The following ATG3 variants were observed in gnomAD, a reference collection of about 807,000 sequenced individuals.
ATG3 encodes autophagy related 3, also known as ubiquitin-like-conjugating enzyme ATG3.
Under a neutral mutation model 50.7 loss-of-function variants are expected in ATG3, and 25 were observed. The observed-to-expected ratio is 0.49, with a 90% CI of 0.36 to 0.69. The LOEUF is 0.69. Among genes scored for constraint, ATG3 ranks in the 30% least tolerant of loss-of-function variants. ATG3 has a pLI of 0.00. For synonymous variants in ATG3, 119 were observed against 125.5 expected (o/e 0.95, Z 0.34); for missense variants, 281 against 376.0 (o/e 0.75, Z 2.09).
intron 2 of ATG3, among the ~76,000 whole-genome samples, chr3:112,557,865 A>C (rs1261688104): frequency 6.6e-6 from 1 of 152,192 alleles, no homozygotes; most frequent in Non-Finnish European, 1.5e-5. Flanking sequence ...ATTAAGAACA[A>C]CCTAAGTCTG....
intron 2 of ATG3, 146 bp downstream of exon 2, chr3:112,558,230 T>C (rs1933740857): frequency 1.7e-6 from 1 of 599,680 alleles, no homozygotes; most frequent in East Asian, 2.8e-5. Context: ...CTATGGGAAG[T>C]AGAAATTCCC....
intron 7 of ATG3, among the ~76,000 whole-genome samples, chr3:112,539,279 T>C (rs754936913): frequency 2.6e-5 from 4 of 152,170 alleles, no homozygotes; most frequent in African/African-American, 7.2e-5. Context: ...CTCTGAGTAA[T>C]GTCAAGACCT....
intron 5 of ATG3, among the ~76,000 whole-genome samples, chr3:112,547,528 T>C (rs1032091486): frequency 1.3e-5 from 2 of 152,216 alleles, no homozygotes; most frequent in Non-Finnish European, 2.9e-5. Context: ...TCATCAAAAC[T>C]AAGTAATAAA....
chr3:112,538,700 A>G (rs1029571328), intron 7 of ATG3, among the ~76,000 whole-genome samples: 4 of 152,214 alleles, frequency 2.6e-5, no homozygotes, highest in African/African-American at 9.6e-5. Context: ...CGCTGCAGTA[A>G]CCAAGGGCTC....
At chr3:112,533,631 T>G (rs1271366358) in intron 11 of ATG3, 1 of 985,188 alleles carries the variant, frequency 1.0e-6, no homozygotes, top group African/African-American at 1.7e-5. Flanking sequence ...ATTCAAGCTA[T>G]CTGGCATGTA....
chr3:112,550,378 G>T, intron 3 of ATG3, 116 bp from the exon 4 acceptor site: 2 of 862,508 alleles, frequency 2.3e-6, no homozygotes, highest in Non-Finnish European at 3.5e-6. Flanking sequence ...TCAGAAAATT[G>T]GTTTAAAATT....
At chr3:112,538,025 T>C (rs933352485) in intron 8 of ATG3, 121 bp downstream of exon 8, 2 of 1,198,496 alleles carry the variant, frequency 1.7e-6, no homozygotes, top group Admixed American at 5.4e-5. Context: ...CTACGTTTTA[T>C]ATGCTATAAT....
chr3:112,561,923 T>C lies in ATG3; in HGVS notation c.-395A>G, dbSNP rs926303311. On this transcript the variant is annotated 5_prime_UTR_variant, in exon 1 of 12. Transcript: ENST00000283290. The stretch of plus-strand genomic sequence containing the variant: ...CCGGCTTCCCTTCCTTCTCACTCTC[T>C]TGCCGTAGCTGCGCCGCCACCGGGG... 3 of 225,268 alleles carry C rather than the reference T, an allele frequency of 1.3e-5. No homozygotes were observed. The highest frequency in any genetic ancestry group is 2.7e-5 in the Non-Finnish European group (3 of 113,138). The allele number at this position is 225,268 out of a possible 1,614,324, so 14.0% of individuals were successfully genotyped here.
Position 112,561,676 on chromosome 3 carries a change from G to A in ATG3, c.-148C>T, listed in dbSNP as rs1933892864. ...CGAGGGGACGGGACGCGACGCGACGGGACGGGCGGGACGAGGGGGCGGGGC... is the reference window on the plus strand; with the variant it reads ...CGAGGGGACGGGACGCGACGCGACGAGACGGGCGGGACGAGGGGGCGGGGC... On this transcript the variant is annotated 5_prime_UTR_variant, in exon 1 of 12. Transcript: ENST00000283290. The A allele has an allele frequency of 2.6e-6, 2 of 762,720 alleles. No individual in the cohort carries two copies. The highest frequency in any genetic ancestry group is 3.0e-5 in the Admixed American group (1 of 33,850). The allele number at this position is 762,720 out of a possible 1,614,324, so 47.2% of individuals were successfully genotyped here.
chr3:112,556,420 C>T (rs1367606761), intron 2 of ATG3, among the ~76,000 whole-genome samples: 3 of 144,014 alleles, frequency 2.1e-5, no homozygotes, highest in Admixed American at 2.1e-4. Context: ...CAGCCCCCCG[C>T]CCGGCCAGCC....
At position 112,548,657 on chromosome 3, in the gene ATG3, A is replaced by T. The variant is rs1933439063; in HGVS notation, c.236-17T>A. On this transcript the variant is annotated splice_polypyrimidine_tract_variant and intron_variant, in intron 4 of 11. Transcript: ENST00000283290. Reference sequence around the variant, plus strand: ...AGCACGGCACTATAAAAAAAATGGTAAATACAGTTAACTAGCACGTAATCT... The same window carrying T: ...AGCACGGCACTATAAAAAAAATGGTTAATACAGTTAACTAGCACGTAATCT... 2 of 1,598,068 alleles carry T rather than the reference A, an allele frequency of 1.3e-6. No individual in the cohort carries two copies. The highest frequency in any genetic ancestry group is 2.7e-5 in the African/African-American group (2 of 74,640).
rs982894037 is a variant in ATG3, at chr3:112,532,559, A to G, written c.*140T>C. The G allele has an allele frequency of 1.1e-5, 6 of 525,268 alleles. No homozygotes were observed. The highest frequency in any genetic ancestry group is 8.7e-5 in the Admixed American group (2 of 23,048). The allele number at this position is 525,268 out of a possible 1,614,324, so 32.5% of individuals were successfully genotyped here. On this transcript the variant is annotated 3_prime_UTR_variant, in exon 12 of 12. Coordinates refer to ENST00000283290, the MANE Select transcript of ATG3 (RefSeq NM_022488.5). The stretch of plus-strand genomic sequence containing the variant: ...ACAAGTAAGGCTGGTAGTGGAACAT[A>G]TTTTTATTTAATGCATAAACATATA...
intron 10 of ATG3, 115 bp from the exon 11 acceptor site, chr3:112,534,452 AAT>A (rs760555466): frequency 7.7e-6 from 5 of 653,202 alleles, no homozygotes; most frequent in African/African-American, 1.9e-5. Flanking sequence ...ATTAATTTTT[AAT>A]AGTTATATTA....
chr3:112,549,418 G>C (rs1933465440), intron 4 of ATG3, among the ~76,000 whole-genome samples: 1 of 152,120 alleles, frequency 6.6e-6, no homozygotes, highest in Admixed American at 6.5e-5. Flanking sequence ...CCTATAATGA[G>C]TAAATTGGAA....
chr3:112,547,544 G>T (rs1933401711), intron 5 of ATG3, among the ~76,000 whole-genome samples: 1 of 152,210 alleles, frequency 6.6e-6, no homozygotes. Context: ...ATAAATGGTA[G>T]TTAGCTTCAG....
At chr3:112,560,342 G>C (rs759835212) in intron 1 of ATG3, among the ~76,000 whole-genome samples, 20 of 152,178 alleles carry the variant, frequency 1.3e-4, no homozygotes, top group Admixed American at 2.6e-4. Context: ...GTAAACAAAT[G>C]TAAGCAAAGC....
At chr3:112,559,377 T>C (rs966110515) in intron 1 of ATG3, among the ~76,000 whole-genome samples, 1 of 152,248 alleles carries the variant, frequency 6.6e-6, no homozygotes, top group Non-Finnish European at 1.5e-5. Context: ...ATGTTTACTA[T>C]GTGCCAGACA....
chr3:112,536,798 G>A, intron 9 of ATG3, 196 bp from the exon 10 acceptor site: 1 of 418,458 alleles, frequency 2.4e-6, no homozygotes, highest in Non-Finnish European at 4.2e-6. Context: ...GTGGGCGCCT[G>A]TGGTCCCAGC....
chr3:112,558,324 AGTTTAGT>A, intron 2 of ATG3, 45 bp downstream of exon 2: 1 of 1,350,090 alleles, frequency 7.4e-7, no homozygotes, highest in East Asian at 2.4e-5. Flanking sequence ...AAAGCCACCT[AGTTTAGT>A]ATTATTGTAA....
Sources: allele counts gnomAD v4.1 joint callset (sites outside exome capture counted in the v4.1 genomes callset), GRCh38; gene constraint gnomAD v4.1.1; transcripts MANE v1.5; gene names NCBI Gene and HGNC (gene_info 2026-07-23, HGNC 2026-07-21).